DYRK1A: variants seen among roughly 807,000 people sequenced by gnomAD.
DYRK1A encodes dual specificity tyrosine phosphorylation regulated kinase 1A.
Under a neutral mutation model 79.7 loss-of-function variants are expected in DYRK1A, and 9 were observed. The ratio of observed to expected loss-of-function variants is 0.11; its 90% confidence interval spans 0.07 to 0.20. The LOEUF (loss-of-function observed/expected upper bound fraction) is 0.20. Among genes scored for constraint, DYRK1A ranks in the 10% least tolerant of loss-of-function variants. The pLI, the probability that DYRK1A is intolerant of heterozygous loss-of-function variation, is 1.00. For missense variants in DYRK1A, 622 were observed against 956.0 expected, an observed-to-expected ratio of 0.65 and a Z score of 4.61; for synonymous variants, 349 against 329.7, an observed-to-expected ratio of 1.06 and a Z score of -0.63.
intron 1 of DYRK1A, among the ~76,000 whole-genome samples, chr21:37,381,064 G>C (rs1060577): frequency 0.56 from 84,477 of 152,102 alleles, 24,201 homozygotes; most frequent in African/African-American, 0.7. Context: ...CTCCAGAGAT[G>C]AGGACCAGTA....
intron 2 of DYRK1A, among the ~76,000 whole-genome samples, chr21:37,463,485 T>C (rs2051921281): frequency 6.6e-6 from 1 of 152,148 alleles, no homozygotes. Flanking sequence ...TATAAGACTT[T>C]TCTCTGCTTT....
Position 37,512,494 on chromosome 21 carries a change from G to C in DYRK1A, c.2228G>C (p.Gly743Ala). The change falls in exon 12 of 12, where the codon GGA becomes GCA. Residue 743 changes from glycine to alanine, a missense_variant. Gly to Ala is a moderately conservative substitution (Grantham distance 60). Transcript: ENST00000647188. ...GATAGAGAAGAGTCCCCCATGACAGGAGTTTGTGTGCAACAGAGTCCTGTA... is the reference window on the plus strand; with the variant it reads ...GATAGAGAAGAGTCCCCCATGACAGCAGTTTGTGTGCAACAGAGTCCTGTA... ...GADREESPMT[G>A]VCVQQSPVAS... The C allele has an allele frequency of 6.2e-7, 1 of 1,614,180 alleles. No individual in the cohort carries two copies. Among genetic ancestry groups the C allele is most frequent in the African/African-American group, 1.3e-5 (1 of 75,050 alleles).
At chr21:37,419,029 G>T (rs1006609924) in intron 1 of DYRK1A, 1 of 152,086 alleles carries the variant, frequency 6.6e-6, no homozygotes, top group Non-Finnish European at 1.5e-5. Context: ...AGAAATAAAT[G>T]AAAAGCAGAA....
At chr21:37,491,800 T>G (rs116121686) in intron 7 of DYRK1A, among the ~76,000 whole-genome samples, 1,553 of 152,324 alleles carry the variant, frequency 0.01, 23 homozygotes, top group African/African-American at 0.034. Context: ...TTAAGCCAAA[T>G]TATGTATTTT....
Position 37,514,743 on chromosome 21 carries a change from A to G in DYRK1A, c.*2212A>G, listed in dbSNP as rs536252160. On this transcript the variant is annotated 3_prime_UTR_variant, in exon 12 of 12. Coordinates refer to ENST00000647188, the MANE Select transcript of DYRK1A (RefSeq NM_001347721.2). ...AGTTCATAAAGGTTTACAGTGAATA[A>G]AAGGATATCATCTTGAGTATAGCAA... The G allele has an allele frequency of 6.5e-6, 1 of 152,764 alleles. No individual in the cohort carries two copies. Among genetic ancestry groups the G allele is most frequent in the East Asian group, 1.9e-4 (1 of 5,184 alleles). The allele number at this position is 152,764 out of a possible 1,614,324, so 9.5% of individuals were successfully genotyped here. A position where few individuals can be genotyped will look rare whatever the true frequency, so the allele number is the denominator to read the frequency against.
chr21:37,489,581 A>G lies in DYRK1A; in HGVS notation c.638-594A>G, dbSNP rs545780306. Reference sequence around the variant, plus strand: ...TTGATAAACACAGTTAAGTCCTCCAATACTTTTACCAAAGCATGATTTTCA... The same window carrying G: ...TTGATAAACACAGTTAAGTCCTCCAGTACTTTTACCAAAGCATGATTTTCA... On this transcript the variant is annotated intron_variant, in intron 6 of 11. Transcript: ENST00000647188. Among the ~76,000 whole-genome samples the G allele has an allele frequency of 6.6e-5, 10 of 152,188 alleles. No individual in the cohort carries two copies. The East Asian group carries it at 9.7e-4, about 15-fold the overall frequency.
intron 2 of DYRK1A, among the ~76,000 whole-genome samples, chr21:37,423,356 C>G (rs41324549): frequency 0.053 from 7,993 of 152,192 alleles, 750 homozygotes; most frequent in African/African-American, 0.18. Flanking sequence ...TGACACCATT[C>G]TACCCTAACA....
At chr21:37,368,484 C>G (rs573447590) in intron 1 of DYRK1A, among the ~76,000 whole-genome samples, 2 of 152,326 alleles carry the variant, frequency 1.3e-5, no homozygotes, top group African/African-American at 4.8e-5. Flanking sequence ...CTGTGCCTTT[C>G]GCCCAACCCT....
chr21:37,480,629 T>A lies in DYRK1A; in HGVS notation c.301-9T>A. ...ATTTTACAGTTAACACTATGTATTC[T>A]CATTTCAGGTTTACTATGCAAAAAA... is the stretch of plus-strand genomic sequence containing the variant. On this transcript the variant is annotated splice_polypyrimidine_tract_variant and intron_variant, in intron 4 of 11. Coordinates refer to ENST00000647188, the MANE Select transcript of DYRK1A (RefSeq NM_001347721.2). 4.4e-6 allele frequency: 7 copies of A among 1,573,728 alleles called. No individual in the cohort carries two copies. The highest frequency in any genetic ancestry group is 6.0e-6 in the Non-Finnish European group (7 of 1,163,734).
chr21:37,456,706 G>C (rs1251379851), intron 2 of DYRK1A, among the ~76,000 whole-genome samples: 1 of 152,090 alleles, frequency 6.6e-6, no homozygotes, highest in Non-Finnish European at 1.5e-5. Flanking sequence ...CCTACCTCTG[G>C]CCTTCCCACC....
chr21:37,380,942 C>G, intron 1 of DYRK1A, among the ~76,000 whole-genome samples: 1 of 152,180 alleles, frequency 6.6e-6, no homozygotes, highest in East Asian at 1.9e-4. Context: ...TCTATCAGCT[C>G]TTCTATCCCT....
chr21:37,481,099 C>T (rs1421984864), intron 5 of DYRK1A: 2 of 307,460 alleles, frequency 6.5e-6, no homozygotes, highest in East Asian at 6.4e-5. Flanking sequence ...ATAGTATTGC[C>T]TCTTTGTTAT....
chr21:37,480,497 A>C, intron 4 of DYRK1A, 141 bp from the exon 5 acceptor site: 2 of 579,074 alleles, frequency 3.5e-6, no homozygotes, highest in South Asian at 8.6e-5. Context: ...CACTGTATAA[A>C]TTTTTTCATT....
intron 1 of DYRK1A, among the ~76,000 whole-genome samples, chr21:37,383,803 A>G (rs920719541): frequency 9.2e-5 from 14 of 151,474 alleles, no homozygotes; most frequent in Admixed American, 6.6e-5. Context: ...CCATGAAAAA[A>G]ATAAAGATGG....
chr21:37,378,141 A>T (rs2049585323), intron 1 of DYRK1A, among the ~76,000 whole-genome samples: 1 of 152,208 alleles, frequency 6.6e-6, no homozygotes, highest in Non-Finnish European at 1.5e-5. Flanking sequence ...GCATTTCTTT[A>T]ATTATGACTG....
Position 37,512,779 on chromosome 21 carries a change from A to G in DYRK1A, c.*248A>G. ...ATCCTCTTTTTGCTCCCCCATTTTA[A>G]CTTGCCACATCCCAGTCACAGTGGG... On this transcript the variant is annotated 3_prime_UTR_variant, in exon 12 of 12. Transcript: ENST00000647188. 1 of 468,502 alleles carries G rather than the reference A, an allele frequency of 2.1e-6. No homozygotes were observed. Among genetic ancestry groups the G allele is most frequent in the Non-Finnish European group, 3.8e-6 (1 of 266,562 alleles). The allele number at this position is 468,502 out of a possible 1,614,324, so 29.0% of individuals were successfully genotyped here.
intron 1 of DYRK1A, among the ~76,000 whole-genome samples, chr21:37,393,116 A>G (rs2049901066): frequency 6.6e-6 from 1 of 152,278 alleles, no homozygotes; most frequent in Admixed American, 6.5e-5. Flanking sequence ...CATTCAGACC[A>G]TAGTAGGGCC....
intron 2 of DYRK1A, among the ~76,000 whole-genome samples, chr21:37,446,477 A>G (rs1166564199): frequency 6.6e-6 from 1 of 152,192 alleles, no homozygotes; most frequent in East Asian, 1.9e-4. Flanking sequence ...GATTTTCCCT[A>G]TTTAATAAAG....
intron 2 of DYRK1A, among the ~76,000 whole-genome samples, chr21:37,434,252 T>A (rs1202332785): frequency 6.6e-6 from 1 of 152,170 alleles, no homozygotes; most frequent in African/African-American, 2.4e-5. Flanking sequence ...AGACACTCTA[T>A]GGAAAAATAT....
Sources: gnomAD v4.1 joint callset for allele counts (sites outside exome capture counted in the v4.1 genomes callset) on GRCh38, gnomAD v4.1.1 for gene constraint, MANE v1.5 for transcripts, NCBI Gene and HGNC (gene_info 2026-07-23, HGNC 2026-07-21) for gene names.